The following CAPN2 variants were observed in gnomAD, a reference collection of about 807,000 sequenced individuals.
CAPN2 encodes calpain 2.
In CAPN2, 92 loss-of-function variants were observed where a neutral mutation model predicts 102.3. The observed-to-expected ratio is 0.90, with a 90% CI of 0.76 to 1.07. The LOEUF is 1.07. Ranked by LOEUF, CAPN2 falls within the 50% of genes least tolerant of loss-of-function variation. The pLI is 0.00. For synonymous variants in CAPN2, 340 were observed against 355.4 expected, an observed-to-expected ratio of 0.96 and a Z score of 0.49; for missense variants, 800 against 909.4, an observed-to-expected ratio of 0.88 and a Z score of 1.55.
chr1:223,717,741 C>G (rs199620756), intron 1 of CAPN2, 21 bp from the exon 2 acceptor site: 237 of 1,611,108 alleles, frequency 1.5e-4, no homozygotes, highest in Non-Finnish European at 1.9e-4. Context: ...GCTAACAGCA[C>G]TTTGTGGGTC....
At chr1:223,717,679 A>G in intron 1 of CAPN2, 83 bp from the exon 2 acceptor site, 2 of 1,044,948 alleles carry the variant, frequency 1.9e-6, no homozygotes, top group South Asian at 2.6e-5. Flanking sequence ...AGGGGTTAGA[A>G]GACCCCACTG....
intron 14 of CAPN2, among the ~76,000 whole-genome samples, chr1:223,763,454 A>G (rs1210680772): frequency 2.6e-5 from 4 of 152,206 alleles, no homozygotes; most frequent in African/African-American, 9.6e-5. Flanking sequence ...CATGACTGCA[A>G]TCAATCTTGG....
At chr1:223,728,511 A>G (rs1324180224) in intron 2 of CAPN2, among the ~76,000 whole-genome samples, 1 of 152,168 alleles carries the variant, frequency 6.6e-6, no homozygotes, top group East Asian at 1.9e-4. Flanking sequence ...ATTGAGATCA[A>G]TGAAGGCTCA....
Position 223,759,244 on chromosome 1 carries a change from C to A in CAPN2, c.1318-26C>A, listed in dbSNP as rs374027760. On this transcript the variant is annotated intron_variant, in intron 11 of 20. Transcript: ENST00000295006. This position sits in a 1 kb window ranked among gnomAD's most constrained non-coding sequence, Gnocchi z 4.6. ...GCCTGGAGGCTTCCCCTCATCTACC[C>A]CCATGTTTCTCTATTTATTCCTCAG... 3.1e-6 allele frequency: 5 copies of A among 1,598,032 alleles called. No homozygotes were observed. In the South Asian group the frequency reaches 5.5e-5, roughly 18 times the overall value.
chr1:223,712,624 G>C lies in CAPN2; in HGVS notation c.-17G>C, dbSNP rs779323696. The C allele has an allele frequency of 1.3e-6, 2 of 1,510,298 alleles. No homozygotes were observed. The highest frequency in any genetic ancestry group is 1.8e-6 in the Non-Finnish European group (2 of 1,128,562). 93.6% of individuals were successfully genotyped at this position (1,510,298 alleles called of 1,614,324 possible). On this transcript the variant is annotated 5_prime_UTR_variant, in exon 1 of 21. Transcript: ENST00000295006. ...CCCCGACCTTTCTCTGCGCAGTACG[G>C]CCGCCGGGACCGCAGCATGGCGGGC...
At position 223,755,503 on chromosome 1, in the gene CAPN2, T is replaced by A; in HGVS notation, c.1159T>A (p.Tyr387Asn). 1 of 1,613,916 alleles carries A rather than the reference T, an allele frequency of 6.2e-7. No homozygotes were observed. The highest frequency in any genetic ancestry group is 8.5e-7 in the Non-Finnish European group (1 of 1,179,964). The change falls in exon 10 of 21, where the codon TAC becomes AAC. Residue 387 changes from tyrosine to asparagine, a missense_variant. Physicochemically the swap from Tyr to Asn is moderately radical, Grantham distance 143. Coordinates refer to ENST00000295006, the MANE Select transcript of CAPN2 (RefSeq NM_001748.5). The surrounding 1 kb of genome is among the most constrained non-coding windows in gnomAD (Gnocchi z 4.1). ...AGACACATTCTGGATGAACCCTCAG[T>A]ACCTGATCAAGCTGGAGGAGGAGGA... ...YPNTFWMNPQ[Y>N]LIKLEEEDED... is the part of the protein sequence containing the mutation.
At chr1:223,715,671 G>A (rs973690186) in intron 1 of CAPN2, among the ~76,000 whole-genome samples, 32 of 152,216 alleles carry the variant, frequency 2.1e-4, no homozygotes, top group East Asian at 3.9e-4. Flanking sequence ...GGTGTGATCC[G>A]GGTGGCACAT....
rs375899944 is a variant in CAPN2 at position 223,712,656 on chromosome 1, G to A, written c.16G>A (p.Ala6Thr). 6.5e-5 allele frequency: 100 copies of A among 1,534,400 alleles called. No individual in the cohort carries two copies. Among genetic ancestry groups the A allele is most frequent in the Non-Finnish European group, 8.7e-5 (99 of 1,141,450 alleles). Residue 6 changes from alanine to threonine, a missense_variant, in exon 1 of 21, where the codon GCC becomes ACC. Ala to Thr is a moderately conservative substitution (Grantham distance 58). Transcript: ENST00000295006. ...GGACCGCAGCATGGCGGGCATCGCG[G>A]CCAAGCTGGCGAAGGACCGGGAGGC... The part of the protein sequence containing the change: MAGIA[A>T]KLAKDREAAE...
chr1:223,775,586 CA>C lies in CAPN2; in HGVS notation c.*731del, dbSNP rs1661598526. Reference sequence around the variant, plus strand: ...AACCAGTATGCCAAAACCAGGCATCCAATTTGTAAACCAATTATGATAAAGG... The same window carrying C: ...AACCAGTATGCCAAAACCAGGCATCCATTTGTAAACCAATTATGATAAAGG... On this transcript the variant is annotated 3_prime_UTR_variant, in exon 21 of 21. Transcript: ENST00000295006. The C allele has an allele frequency of 6.6e-6, 1 of 152,628 alleles. No individual in the cohort carries two copies. Among genetic ancestry groups the C allele is most frequent in the African/African-American group, 2.4e-5 (1 of 41,442 alleles). The allele number at this position is 152,628 out of a possible 1,614,324, so 9.5% of individuals were successfully genotyped here.
At chr1:223,734,578 C>T (rs192713522) in intron 2 of CAPN2, among the ~76,000 whole-genome samples, 159 of 152,232 alleles carry the variant, frequency 1.0e-3, no homozygotes, top group Admixed American at 2.3e-3. Flanking sequence ...CCGCAGCTCC[C>T]CTCCCTCCTC....
At chr1:223,746,073 C>A (rs1370955639) in intron 4 of CAPN2, among the ~76,000 whole-genome samples, 2 of 152,190 alleles carry the variant, frequency 1.3e-5, no homozygotes, top group Non-Finnish European at 2.9e-5. Context: ...TCCACAATGG[C>A]CCCATGTTGG....
At position 223,741,433 on chromosome 1, in the gene CAPN2, ATAATGTG is replaced by A. The variant is rs1433303087; in HGVS notation, c.308-2664_308-2658del. 1.3e-3 allele frequency among the ~76,000 whole-genome samples: 89 copies of A among 67,188 alleles called. 1 individual carries two copies. The highest frequency in any genetic ancestry group is 0.012 in the African/African-American group (78 of 6,606). The allele number at this position is 67,188 out of a possible 152,430, so 44.1% of individuals were successfully genotyped here. ...TTGGCTGTAAAATGTATATATATATATAATGTGTATATATATATATATATATATATAT... is the reference window on the plus strand; with the variant it reads ...TTGGCTGTAAAATGTATATATATATATATATATATATATATATATATATAT... On this transcript the variant is annotated intron_variant, in intron 2 of 20. Coordinates refer to ENST00000295006, the MANE Select transcript of CAPN2 (RefSeq NM_001748.5).
chr1:223,745,838 C>G (rs1213182251), intron 4 of CAPN2, among the ~76,000 whole-genome samples: 1 of 152,224 alleles, frequency 6.6e-6, no homozygotes, highest in Admixed American at 6.5e-5. Context: ...AGCTCTACTT[C>G]CTTGACAGGA....
intron 8 of CAPN2, among the ~76,000 whole-genome samples, 182 bp downstream of exon 8, chr1:223,752,253 C>T (rs1378714758): frequency 1.3e-5 from 2 of 152,128 alleles, no homozygotes; most frequent in African/African-American, 2.4e-5. Flanking sequence ...ATTCTTAAGC[C>T]CCTTCAACGG....
intron 2 of CAPN2, among the ~76,000 whole-genome samples, chr1:223,735,394 G>C (rs1207968625): frequency 2.0e-5 from 3 of 152,050 alleles, no homozygotes; most frequent in African/African-American, 4.8e-5. Flanking sequence ...TGGGCATGGT[G>C]GTGGGCGCCT....
rs1661042847 is a variant in CAPN2 at position 223,756,638 on chromosome 1, A to G, written c.1306-731A>G. Among the ~76,000 whole-genome samples the G allele has an allele frequency of 6.6e-6, 1 of 152,172 alleles. No homozygotes were observed. The highest frequency in any genetic ancestry group is 2.4e-5 in the African/African-American group (1 of 41,448). On this transcript the variant is annotated intron_variant, in intron 10 of 20. Transcript: ENST00000295006. The surrounding 1 kb of genome is among the most constrained non-coding windows in gnomAD (Gnocchi z 4.1). ...AGGAGGCTCTGTGCTCACCACTGGC[A>G]ACGTTGCCACCCATGGAACACTGAC...
chr1:223,755,458 C>T lies in CAPN2; in HGVS notation c.1136-22C>T. On this transcript the variant is annotated intron_variant, in intron 9 of 20. Transcript: ENST00000295006. The surrounding 1 kb of genome is among the most constrained non-coding windows in gnomAD (Gnocchi z 4.1). Reference sequence around the variant, plus strand: ...TGCATTCCTGCTCAGGGCTGGGCTCCTCTGCCCCTTTCTGGCTGCAGACAC... The same window carrying T: ...TGCATTCCTGCTCAGGGCTGGGCTCTTCTGCCCCTTTCTGGCTGCAGACAC... 6.2e-7 allele frequency: 1 copy of T among 1,613,354 alleles called. No individual in the cohort carries two copies. Among genetic ancestry groups the T allele is most frequent in the Non-Finnish European group, 8.5e-7 (1 of 1,179,736 alleles).
intron 14 of CAPN2, among the ~76,000 whole-genome samples, chr1:223,763,430 C>T (rs1428194648): frequency 6.6e-6 from 1 of 152,186 alleles, no homozygotes; most frequent in Non-Finnish European, 1.5e-5. Flanking sequence ...CACATACACA[C>T]CCCAAAAGGC....
intron 6 of CAPN2, among the ~76,000 whole-genome samples, chr1:223,750,199 T>C (rs1660852029): frequency 6.6e-6 from 1 of 152,150 alleles, no homozygotes; most frequent in South Asian, 2.1e-4. Flanking sequence ...ATAATAACTA[T>C]CCAATTGCCA....
Sources: allele counts gnomAD v4.1 joint callset (sites outside exome capture counted in the v4.1 genomes callset), GRCh38; gene constraint gnomAD v4.1.1; non-coding constraint Gnocchi (gnomAD v3.1); transcripts MANE v1.5; gene names NCBI Gene and HGNC (gene_info 2026-07-23, HGNC 2026-07-21).